Variants in PCLO observed in about 807,000 individuals in gnomAD.
The protein encoded by PCLO is piccolo presynaptic cytomatrix protein.
PCLO carries 82 observed loss-of-function variants against 427.5 expected under a neutral mutation model. The observed-to-expected ratio is 0.19, with a 90% CI of 0.16 to 0.23. PCLO has a LOEUF of 0.23. Ranked by LOEUF, PCLO falls within the 10% of genes least tolerant of loss-of-function variation. The pLI is 1.00. For missense variants in PCLO, 6,239 were observed against 6,115.9 expected (o/e 1.02, Z -0.67); for synonymous variants, 2,357 against 2,155.4 (o/e 1.09, Z -2.59).
intron 22 of PCLO, among the ~76,000 whole-genome samples, chr7:82,773,752 C>A (rs1031396721): frequency 6.6e-6 from 1 of 151,808 alleles, no homozygotes; most frequent in Non-Finnish European, 1.5e-5. Flanking sequence ...TTCAGTTCCC[C>A]TCTTCATTAG....
rs547203954 is a variant in PCLO, at chr7:83,162,636, C to A, written c.-44G>T. ...GCCGCCGCGCTCCCTCCTCGCGCCG[C>A]GTCCCAGTCGAGAAGCCCGCGGCCA... On this transcript the variant is annotated 5_prime_UTR_variant, in exon 1 of 25. Coordinates refer to ENST00000333891, the MANE Select transcript of PCLO (RefSeq NM_033026.6). 4.0e-6 allele frequency: 6 copies of A among 1,490,578 alleles called. No individual in the cohort carries two copies. The highest frequency in any genetic ancestry group is 1.4e-5 in the African/African-American group (1 of 71,762). The allele number at this position is 1,490,578 out of a possible 1,614,324, so 92.3% of individuals were successfully genotyped here. A position where few individuals can be genotyped will look rare whatever the true frequency, so the allele number is the denominator to read the frequency against.
At chr7:82,790,358 C>A (rs1791076668) in intron 22 of PCLO, among the ~76,000 whole-genome samples, 3 of 152,070 alleles carry the variant, frequency 2.0e-5, no homozygotes, top group Admixed American at 2.0e-4. Flanking sequence ...TGCACTACTC[C>A]CTCCAGCGCA....
At chr7:83,011,239 A>C (rs2115990218) in intron 3 of PCLO, among the ~76,000 whole-genome samples, 1 of 152,244 alleles carries the variant, frequency 6.6e-6, no homozygotes, top group Non-Finnish European at 1.5e-5. Context: ...AAATATCTTT[A>C]ACTTATAAAA....
intron 10 of PCLO, among the ~76,000 whole-genome samples, chr7:82,851,017 C>G (rs1792639691): frequency 6.6e-6 from 1 of 152,006 alleles, no homozygotes; most frequent in Admixed American, 6.6e-5. Flanking sequence ...CCATAAAATG[C>G]TATGTGTTGA....
chr7:82,860,977 T>C (rs562624474), intron 10 of PCLO, among the ~76,000 whole-genome samples: 1 of 151,444 alleles, frequency 6.6e-6, no homozygotes, highest in South Asian at 2.1e-4. Context: ...ACGCAAAAAA[T>C]AAAAAGCAAA....
chr7:83,078,126 A>G (rs1184103145), intron 3 of PCLO, among the ~76,000 whole-genome samples: 2 of 152,168 alleles, frequency 1.3e-5, no homozygotes, highest in Admixed American at 6.5e-5. Context: ...AGAGAAATAA[A>G]TCATTAAATT....
chr7:83,022,279 G>A (rs977333395), intron 3 of PCLO, among the ~76,000 whole-genome samples: 1 of 152,134 alleles, frequency 6.6e-6, no homozygotes, highest in African/African-American at 2.4e-5. Context: ...CAAACTGAAA[G>A]CAATACATTT....
intron 3 of PCLO, among the ~76,000 whole-genome samples, chr7:83,093,649 C>T (rs1166351285): frequency 2.0e-5 from 3 of 149,460 alleles, no homozygotes; most frequent in African/African-American, 4.9e-5. Context: ...CCCGCTACCA[C>T]ACCCGGCTAA....
At chr7:82,894,750 T>C (rs2189971) in intron 9 of PCLO, among the ~76,000 whole-genome samples, 125,306 of 151,936 alleles carry the variant, frequency 0.82, 51,801 homozygotes, top group East Asian at 0.92. Context: ...GTATGAAAAC[T>C]AGAAGCTTTA....
chr7:82,914,762 T>C lies in PCLO; in HGVS notation c.13224A>G (p.Glu4408=). 8.1e-6 allele frequency: 13 copies of C among 1,613,466 alleles called. No homozygotes were observed. The highest frequency in any genetic ancestry group is 1.1e-5 in the Non-Finnish European group (13 of 1,179,684). ...LPEVQQHMRE[E]SRTRGYDRDI... ...CACGGTCATAGCCTCGAGTCCGTGA[T>C]TCTTCCCTCATGTGTTGCTGAACTT... is the stretch of plus-strand genomic sequence containing the variant. Residue 4408 remains glutamate, a synonymous_variant, in exon 7 of 25, where the codon GAA becomes GAG. Transcript: ENST00000333891.
chr7:83,111,336 A>G (rs1165728078), intron 3 of PCLO, among the ~76,000 whole-genome samples: 2 of 152,232 alleles, frequency 1.3e-5, no homozygotes, highest in Non-Finnish European at 2.9e-5. Flanking sequence ...ATTATGGGAT[A>G]TTACTCCACA....
intron 3 of PCLO, among the ~76,000 whole-genome samples, chr7:83,013,940 C>T (rs77994981): frequency 0.014 from 2,130 of 152,122 alleles, 53 homozygotes; most frequent in South Asian, 0.049. Context: ...GTTCCTGTTT[C>T]CATTGTAGAA....
At position 82,756,515 on chromosome 7, in the gene PCLO, G is replaced by C. The variant is rs1790321803; in HGVS notation, c.*2060C>G. On this transcript the variant is annotated 3_prime_UTR_variant, in exon 25 of 25. Transcript: ENST00000333891. The stretch of plus-strand genomic sequence containing the variant: ...TGGTTATCTTTCTCAGTTTGGGGAA[G>C]ATCGAATTTGTATTCTGAAGTCATA... The C allele has an allele frequency of 6.9e-6, 1 of 145,846 alleles. No individual in the cohort carries two copies. The highest frequency in any genetic ancestry group is 2.5e-5 in the African/African-American group (1 of 39,810). The allele number at this position is 145,846 out of a possible 1,614,324, so 9.0% of individuals were successfully genotyped here.
intron 3 of PCLO, among the ~76,000 whole-genome samples, chr7:82,992,812 A>G (rs1324404585): frequency 6.7e-6 from 1 of 150,176 alleles, no homozygotes. Flanking sequence ...ACTGACATTC[A>G]TATTACTGCT....
intron 22 of PCLO, among the ~76,000 whole-genome samples, chr7:82,789,388 T>C (rs1025973170): frequency 2.6e-5 from 4 of 152,132 alleles, no homozygotes; most frequent in Non-Finnish European, 5.9e-5. Context: ...AACAGGTCAA[T>C]GTCATTATCT....
intron 3 of PCLO, among the ~76,000 whole-genome samples, chr7:83,013,388 A>G (rs1483907151): frequency 6.6e-6 from 1 of 152,204 alleles, no homozygotes; most frequent in Non-Finnish European, 1.5e-5. Context: ...TCAGTCTTTT[A>G]ACCTCTATAT....
chr7:82,772,214 G>T lies in PCLO; in HGVS notation c.15008-10721C>A, dbSNP rs193057992. ...TCATTTCCACCTCTTTTGGAAGAAAGTAATTTATCAGCTCTAACTCAAAAA... is the reference window on the plus strand; with the variant it reads ...TCATTTCCACCTCTTTTGGAAGAAATTAATTTATCAGCTCTAACTCAAAAA... On this transcript the variant is annotated intron_variant, in intron 22 of 24. Transcript: ENST00000333891. Among the ~76,000 whole-genome samples, 55 of 152,204 alleles carry T rather than the reference G, an allele frequency of 3.6e-4. 1 individual carries two copies. The highest frequency in any genetic ancestry group is 2.6e-4 in the Non-Finnish European group (18 of 67,996).
At chr7:83,099,713 G>A (rs1209945286) in intron 3 of PCLO, among the ~76,000 whole-genome samples, 1 of 152,086 alleles carries the variant, frequency 6.6e-6, no homozygotes, top group Non-Finnish European at 1.5e-5. Flanking sequence ...ATTTTTTAAA[G>A]TATCTTTCTA....
intron 14 of PCLO, 100 bp downstream of exon 14, chr7:82,841,359 A>T: frequency 1.4e-6 from 1 of 736,252 alleles, no homozygotes; most frequent in Non-Finnish European, 2.4e-6. Flanking sequence ...TATATTACAG[A>T]ATAAGAAAAA....
Sources: gnomAD v4.1 joint callset for allele counts (sites outside exome capture counted in the v4.1 genomes callset) on GRCh38, gnomAD v4.1.1 for gene constraint, MANE v1.5 for transcripts, NCBI Gene and HGNC (gene_info 2026-07-23, HGNC 2026-07-21) for gene names.